RBM42: variants seen among roughly 807,000 people sequenced by gnomAD.
RBM42 encodes the protein RNA-binding protein 42.
Under a neutral mutation model 41.4 loss-of-function variants are expected in RBM42, and 21 were observed. The ratio of observed to expected loss-of-function variants is 0.51; its 90% CI spans 0.36 to 0.73. RBM42 has a LOEUF of 0.73. RBM42 is among the 30% of genes least tolerant of loss of function. RBM42 has a pLI of 0.00. For missense variants in RBM42, 539 were observed against 680.4 expected (o/e 0.79, Z 2.31); for synonymous variants, 272 against 271.2 (o/e 1.00, Z -0.03).
In RBM42 at chr19:35,633,996, C is replaced by T; in HGVS notation, c.994C>T (p.Pro332Ser). The change falls in exon 7 of 10, where the codon CCC (proline) becomes TCC (serine). Residue 332 changes from proline to serine, a missense_variant. Physicochemically the swap from Pro to Ser is moderately conservative, Grantham distance 74 (BLOSUM62 -1). This residue lies in a region of RBM42 where 429 missense variants were observed against 488.9 expected (regional missense o/e 0.88). Transcript: ENST00000262633. ...GCCCCGGCCCCCTCGGCCAGAGCCA[C>T]CCCCAGGCCTCATGGCTCTTGAGGT... ...PRPRPPRPEP[P>S]PGLMALEVPE... The T allele has an allele frequency of 1.2e-5, 19 of 1,522,814 alleles. No homozygotes were observed. The highest frequency in any genetic ancestry group is 1.7e-5 in the Non-Finnish European group (19 of 1,140,532). 94.3% of individuals were successfully genotyped at this position (1,522,814 alleles called of 1,614,324 possible).
rs780417147 is a variant in RBM42, at chr19:35,633,671, C to T, written c.685-16C>T. The stretch of plus-strand genomic sequence containing the variant: ...CCTGTGAGCCGGCCCCCCTCATGCT[C>T]TCCTCTTACCCACAGGAAGAGCCAG... On this transcript the variant is annotated splice_polypyrimidine_tract_variant and intron_variant, in intron 6 of 9. Transcript: ENST00000262633. 2.1e-6 allele frequency: 3 copies of T among 1,425,052 alleles called. No individual in the cohort carries two copies. In the East Asian group the frequency reaches 8.2e-5, roughly 39 times the overall value. 88.3% of individuals were successfully genotyped at this position (1,425,052 alleles called of 1,614,324 possible). A position where few individuals can be genotyped will look rare whatever the true frequency, so the allele number is the denominator to read the frequency against.
In RBM42 at chr19:35,634,058, G is replaced by A. The variant is rs137887805; in HGVS notation, c.1017+39G>A. 9.1e-5 allele frequency: 133 copies of A among 1,467,756 alleles called. No individual in the cohort carries two copies. The East Asian group carries it at 1.3e-3, about 14-fold the overall frequency. The allele number at this position is 1,467,756 out of a possible 1,614,324, so 90.9% of individuals were successfully genotyped here. Reference sequence around the variant, plus strand: ...CTAGCGGTGAAGGGACAGAAGGGACGGGGGGCAGACAGGAGCCCAGGAACT... The same window carrying A: ...CTAGCGGTGAAGGGACAGAAGGGACAGGGGGCAGACAGGAGCCCAGGAACT... On this transcript the variant is annotated intron_variant, in intron 7 of 9. Transcript: ENST00000262633.
rs769146957 is a variant in RBM42, at chr19:35,631,417, G to T, written c.442+12G>T. ...CCTGCGGCGGGCAGGTGAGTCTGGGGCCAGGGACCCCCACATTTAATCAGG... is the reference window on the plus strand; with the variant it reads ...CCTGCGGCGGGCAGGTGAGTCTGGGTCCAGGGACCCCCACATTTAATCAGG... On this transcript the variant is annotated intron_variant, in intron 4 of 9. Coordinates refer to ENST00000262633, the MANE Select transcript of RBM42 (RefSeq NM_024321.5). 6.2e-7 allele frequency: 1 copy of T among 1,613,380 alleles called. No individual in the cohort carries two copies. Among genetic ancestry groups the T allele is most frequent in the South Asian group, 1.1e-5 (1 of 91,062 alleles).
intron 8 of RBM42, among the ~76,000 whole-genome samples, chr19:35,636,131 G>C (rs1967493763): frequency 6.7e-6 from 1 of 150,364 alleles, no homozygotes; most frequent in Admixed American, 6.6e-5. Context: ...ACTTAGCCTG[G>C]TTTTGTTTTG....
At chr19:35,635,587 G>A (rs1011245612) in intron 8 of RBM42, among the ~76,000 whole-genome samples, 2 of 146,514 alleles carry the variant, frequency 1.4e-5, no homozygotes, top group South Asian at 2.1e-4. Context: ...GCGCAATCTC[G>A]GCAGCTCACT....
Position 35,629,084 on chromosome 19 carries a change from A to C in RBM42, c.-70A>C, listed in dbSNP as rs899823681. On this transcript the variant is annotated 5_prime_UTR_variant, in exon 1 of 10. Coordinates refer to ENST00000262633, the MANE Select transcript of RBM42 (RefSeq NM_024321.5). ...GGAGCCCACCCGGACGAAGGGGGAG[A>C]GTAGACAGCAGAACCAGCGGCGGCG... is the stretch of plus-strand genomic sequence containing the variant. 1 of 1,462,464 alleles carries C rather than the reference A, an allele frequency of 6.8e-7. No individual in the cohort carries two copies. The allele number at this position is 1,462,464 out of a possible 1,614,324, so 90.6% of individuals were successfully genotyped here.
chr19:35,632,849 GCACA>G (rs143956129), intron 4 of RBM42, 83 bp from the exon 5 acceptor site: 10 of 720,450 alleles, frequency 1.4e-5, no homozygotes, highest in East Asian at 7.8e-5. Flanking sequence ...TGCTGAGAGT[GCACA>G]CACACACACG....
chr19:35,633,817 G>T lies in RBM42; in HGVS notation c.815G>T (p.Gly272Val). The T allele has an allele frequency of 6.6e-7, 1 of 1,512,208 alleles. No homozygotes were observed. 93.7% of individuals were successfully genotyped at this position (1,512,208 alleles called of 1,614,324 possible). Residue 272 changes from glycine (G) to valine (V), a missense_variant, in exon 7 of 10, where the codon GGT becomes GTT. Gly to Val is a moderately radical substitution (Grantham distance 109, BLOSUM62 -3). Around this residue, in one of 2 missense-constraint regions of RBM42, gnomAD observed 429 missense variants for 488.9 expected, o/e 0.88. Coordinates refer to ENST00000262633, the MANE Select transcript of RBM42 (RefSeq NM_024321.5). ...ASAAVAVGAGGAPAGPAVIGP... is the reference protein window; with the variant it reads ...ASAAVAVGAGVAPAGPAVIGP... ...GCGGCTGTGGCCGTGGGGGCAGGAG[G>T]TGCCCCAGCTGGCCCTGCAGTCATT...
Position 35,630,300 on chromosome 19 carries a change from G to A in RBM42, c.282+627G>A, listed in dbSNP as rs191442430. Among the ~76,000 whole-genome samples, 120 of 148,616 alleles carry A rather than the reference G, an allele frequency of 8.1e-4. No individual in the cohort carries two copies. In the Middle Eastern group the frequency reaches 0.021, roughly 27 times the overall value. ...CTGCACTGGAGCCTGGTGACAGAGC[G>A]AGACTCCGTCTCAAAAAAAAAAAAA... On this transcript the variant is annotated intron_variant, in intron 2 of 9. Coordinates refer to ENST00000262633, the MANE Select transcript of RBM42 (RefSeq NM_024321.5).
chr19:35,635,297 A>G (rs1967476791), intron 8 of RBM42, among the ~76,000 whole-genome samples: 1 of 150,110 alleles, frequency 6.7e-6, no homozygotes, highest in African/African-American at 2.5e-5. Flanking sequence ...GCCTGGCAAC[A>G]GAACAAGACT....
intron 2 of RBM42, among the ~76,000 whole-genome samples, chr19:35,629,981 T>C (rs1029231997): frequency 6.6e-6 from 1 of 152,160 alleles, no homozygotes; most frequent in Non-Finnish European, 1.5e-5. Flanking sequence ...TAGCCAACTA[T>C]ATATGACTAG....
At chr19:35,629,970 G>A (rs1461949565) in intron 2 of RBM42, among the ~76,000 whole-genome samples, 1 of 152,172 alleles carries the variant, frequency 6.6e-6, no homozygotes, top group Non-Finnish European at 1.5e-5. Context: ...CAAGTGCTCA[G>A]TAGCCAACTA....
chr19:35,629,135 GA>G lies in RBM42; in HGVS notation c.-18del. On this transcript the variant is annotated 5_prime_UTR_variant, in exon 1 of 10. Transcript: ENST00000262633. ...GCTAAGCAGAGACTGTAGTAGCGGC[GA>G]CAGCGACGACGGCAGCGATGGCTGG... is the stretch of plus-strand genomic sequence containing the variant. 1 of 1,520,972 alleles carries G rather than the reference GA, an allele frequency of 6.6e-7. No individual in the cohort carries two copies. The highest frequency in any genetic ancestry group is 8.8e-7 in the Non-Finnish European group (1 of 1,137,986). 94.2% of individuals were successfully genotyped at this position (1,520,972 alleles called of 1,614,324 possible). A position where few individuals can be genotyped will look rare whatever the true frequency, so the allele number is the denominator to read the frequency against.
chr19:35,630,635 G>A (rs552570651), intron 2 of RBM42, among the ~76,000 whole-genome samples: 6 of 151,780 alleles, frequency 4.0e-5, no homozygotes, highest in South Asian at 2.1e-4. Context: ...GCGTGTCGGC[G>A]GGCGCCTATA....
chr19:35,634,421 C>A, intron 8 of RBM42, 48 bp downstream of exon 8: 3 of 1,384,060 alleles, frequency 2.2e-6, no homozygotes, highest in Non-Finnish European at 3.1e-6. Context: ...CAAGGTCAGA[C>A]CAGGCTGCTG....
In RBM42 at chr19:35,631,174, C is replaced by T; in HGVS notation, c.317C>T (p.Ala106Val). 1 of 1,614,186 alleles carries T rather than the reference C, an allele frequency of 6.2e-7. No individual in the cohort carries two copies. The highest frequency in any genetic ancestry group is 8.5e-7 in the Non-Finnish European group (1 of 1,180,044). ...ACTCTGGAGGCCCGAGCAGCTGCTG[C>T]AGCCACAGTAGTTCCTCCCATGGTG... ...QQTLEARAAAAATVVPPMVGG... is the reference protein window; with the variant it reads ...QQTLEARAAAVATVVPPMVGG... The change falls in exon 3 of 10, where the codon GCA (alanine) becomes GTA (valine). Residue 106 changes from alanine to valine, a missense_variant. By Grantham distance (64) the Ala-to-Val change is moderately conservative. This residue lies in a region of RBM42 where 429 missense variants were observed against 488.9 expected (regional missense o/e 0.88). Transcript: ENST00000262633.
rs943214685 is a variant in RBM42 at position 35,634,037 on chromosome 19, C to T, written c.1017+18C>T. ...CTCTTGAGGTAAGCAGGGAGCCTAGCGGTGAAGGGACAGAAGGGACGGGGG... is the reference window on the plus strand; with the variant it reads ...CTCTTGAGGTAAGCAGGGAGCCTAGTGGTGAAGGGACAGAAGGGACGGGGG... On this transcript the variant is annotated intron_variant, in intron 7 of 9. Transcript: ENST00000262633. 3.4e-6 allele frequency: 5 copies of T among 1,479,602 alleles called. No homozygotes were observed. The highest frequency in any genetic ancestry group is 2.4e-5 in the East Asian group (1 of 41,948). 91.7% of individuals were successfully genotyped at this position (1,479,602 alleles called of 1,614,324 possible). A position where few individuals can be genotyped will look rare whatever the true frequency, so the allele number is the denominator to read the frequency against.
Position 35,637,036 on chromosome 19 carries a change from A to G in RBM42, c.1136-122A>G. ...GGCGCAGGGTCAGTAGGTGTTGACCATTATTACTAAGAGGTCCCTAGGCAG... is the reference window on the plus strand; with the variant it reads ...GGCGCAGGGTCAGTAGGTGTTGACCGTTATTACTAAGAGGTCCCTAGGCAG... On this transcript the variant is annotated intron_variant, in intron 8 of 9. Transcript: ENST00000262633. The surrounding 1 kb of genome is among the most constrained non-coding windows in gnomAD (Gnocchi z 7.0). The G allele has an allele frequency of 1.3e-5, 12 of 893,382 alleles. No individual in the cohort carries two copies. The highest frequency in any genetic ancestry group is 1.9e-5 in the Non-Finnish European group (11 of 591,178). 55.3% of individuals were successfully genotyped at this position (893,382 alleles called of 1,614,324 possible).
Position 35,633,159 on chromosome 19 carries a change from G to C in RBM42, c.591G>C (p.Leu197=), listed in dbSNP as rs1967435428. The C allele has an allele frequency of 6.3e-7, 1 of 1,594,212 alleles. No individual in the cohort carries two copies. Among genetic ancestry groups the C allele is most frequent in the Non-Finnish European group, 8.6e-7 (1 of 1,162,560 alleles). Residue 197 remains leucine (L), a synonymous_variant, in exon 6 of 10, where the codon CTG becomes CTC. Coordinates refer to ENST00000262633, the MANE Select transcript of RBM42 (RefSeq NM_024321.5). ...ACCAGGCCCTCGTGGGCCCCCCTCT[G>C]CCTGGGCCCCCTGGACCACCCATGA... ...PPHQALVGPP[L]PGPPGPPMML... is the part of the protein sequence containing the mutation.
Sources: allele counts gnomAD v4.1 joint callset (sites outside exome capture counted in the v4.1 genomes callset), GRCh38; gene constraint gnomAD v4.1.1; regional missense constraint gnomAD v4.1.1; non-coding constraint Gnocchi (gnomAD v3.1); transcripts MANE v1.5; gene names NCBI Gene and HGNC (gene_info 2026-07-23, HGNC 2026-07-21).